MPZL3: variants seen among roughly 807,000 people sequenced by gnomAD.
MPZL3 encodes myelin protein zero-like protein 3.
In MPZL3, 23 loss-of-function variants were observed where a neutral mutation model predicts 24.8. That is an observed-to-expected ratio of 0.93 (90% CI 0.67 to 1.31). The LOEUF is 1.31. MPZL3 is among the 40% of genes most tolerant of loss of function. The pLI is 0.00. For missense variants in MPZL3, 277 were observed against 294.9 expected, an observed-to-expected ratio of 0.94 and a Z score of 0.44; for synonymous variants, 99 against 106.5, an observed-to-expected ratio of 0.93 and a Z score of 0.44.
At chr11:118,244,936 C>T (rs984122063) in intron 1 of MPZL3, among the ~76,000 whole-genome samples, 6 of 151,614 alleles carry the variant, frequency 4.0e-5, no homozygotes, top group African/African-American at 7.3e-5. Flanking sequence ...ATTAGTGGGG[C>T]GTGGTGGCAG....
In MPZL3 at chr11:118,251,695, G is replaced by A. The variant is rs144686767; in HGVS notation, c.73+527C>T. On this transcript the variant is annotated intron_variant, in intron 1 of 5. Coordinates refer to ENST00000278949, the MANE Select transcript of MPZL3 (RefSeq NM_198275.3). ...ATGCTAAAGCAGTTACTTTTTCATC[G>A]ATATGCTTCTCTATAACGAATCACA... 2.6e-5 allele frequency among the ~76,000 whole-genome samples: 4 copies of A among 152,070 alleles called. No individual in the cohort carries two copies. In the East Asian group the frequency reaches 7.7e-4, roughly 29 times the overall value.
rs60832269 is a variant in MPZL3 at position 118,229,125 on chromosome 11, C to CAAAA, written c.*765_*768dup. ...CTGGCGACAGAGTGAGACTCTGCCT[C>CAAAA]AAAAAAAAAAAAAAAAAAAAAAAAG... On this transcript the variant is annotated 3_prime_UTR_variant, in exon 6 of 6. Coordinates refer to ENST00000278949, the MANE Select transcript of MPZL3 (RefSeq NM_198275.3). 48 of 96,386 alleles carry CAAAA rather than the reference C, an allele frequency of 5.0e-4. 2 individuals carry two copies. Among genetic ancestry groups the CAAAA allele is most frequent in the African/African-American group, 2.4e-3 (41 of 17,398 alleles). 6.0% of individuals were successfully genotyped at this position (96,386 alleles called of 1,614,324 possible).
intron 5 of MPZL3, among the ~76,000 whole-genome samples, chr11:118,231,913 C>T (rs1008604465): frequency 2.0e-5 from 3 of 152,116 alleles, no homozygotes; most frequent in African/African-American, 4.8e-5. Flanking sequence ...TGTCATTGCT[C>T]GTTACCACCC....
chr11:118,248,280 C>CT (rs1949578370), intron 1 of MPZL3, among the ~76,000 whole-genome samples: 1 of 152,056 alleles, frequency 6.6e-6, no homozygotes, highest in African/African-American at 2.4e-5. Context: ...TCCCAAAGTG[C>CT]TGGGATTACA....
At chr11:118,251,236 AGGGATCGG>A (rs1362886982) in intron 1 of MPZL3, among the ~76,000 whole-genome samples, 2 of 152,004 alleles carry the variant, frequency 1.3e-5, no homozygotes, top group Admixed American at 6.6e-5. Context: ...GGCAGCTGGG[AGGGATCGG>A]GGGTGTGCTG....
chr11:118,234,492 G>A (rs534656421), intron 4 of MPZL3, among the ~76,000 whole-genome samples: 12 of 152,212 alleles, frequency 7.9e-5, no homozygotes, highest in Non-Finnish European at 1.2e-4. Flanking sequence ...ATGAGAATGA[G>A]TTAGGAAAAA....
intron 1 of MPZL3, among the ~76,000 whole-genome samples, chr11:118,245,274 A>T (rs1949546052): frequency 6.6e-6 from 1 of 152,130 alleles, no homozygotes; most frequent in Non-Finnish European, 1.5e-5. Flanking sequence ...GGTGGGAGGC[A>T]GAGGTTGCGG....
chr11:118,251,549 AAAGCAAAACTCACCTAATT>A (rs1949619895), intron 1 of MPZL3, among the ~76,000 whole-genome samples: 1 of 152,188 alleles, frequency 6.6e-6, no homozygotes, highest in African/African-American at 2.4e-5. Flanking sequence ...AAATTATATG[AAAGCAAAACTCACCTAATT>A]TTAAGATGTG....
intron 5 of MPZL3, among the ~76,000 whole-genome samples, chr11:118,233,185 T>G (rs187130764): frequency 3.7e-4 from 57 of 152,288 alleles, no homozygotes; most frequent in Admixed American, 3.7e-3. Context: ...ACTCCTGTTT[T>G]GGGATTTTCT....
At chr11:118,240,781 ACACT>A (rs1949487070) in intron 1 of MPZL3, among the ~76,000 whole-genome samples, 1 of 127,938 alleles carries the variant, frequency 7.8e-6, no homozygotes, top group African/African-American at 2.9e-5. Context: ...ACACACACAC[ACACT>A]CTGGGAATAT....
intron 5 of MPZL3, among the ~76,000 whole-genome samples, chr11:118,230,839 G>A (rs1949340930): frequency 6.6e-6 from 1 of 151,940 alleles, no homozygotes; most frequent in Non-Finnish European, 1.5e-5. Flanking sequence ...TTTATCTAAG[G>A]TCAACATCTC....
At chr11:118,243,346 G>A (rs1228791005) in intron 1 of MPZL3, among the ~76,000 whole-genome samples, 1 of 152,124 alleles carries the variant, frequency 6.6e-6, no homozygotes, top group African/African-American at 2.4e-5. Context: ...AACGGCCCAG[G>A]CACACACATT....
At chr11:118,250,103 G>A (rs1001474089) in intron 1 of MPZL3, among the ~76,000 whole-genome samples, 2 of 151,082 alleles carry the variant, frequency 1.3e-5, no homozygotes, top group African/African-American at 2.4e-5. Flanking sequence ...CCAGGTTCAA[G>A]TGATTCTTCT....
chr11:118,241,057 GGTACCATT>G (rs1306323529), intron 1 of MPZL3, among the ~76,000 whole-genome samples: 1 of 152,114 alleles, frequency 6.6e-6, no homozygotes, highest in Non-Finnish European at 1.5e-5. Context: ...GTAAAAATAA[GGTACCATT>G]TTAAAACCCA....
intron 1 of MPZL3, among the ~76,000 whole-genome samples, chr11:118,248,686 A>T (rs532249752): frequency 1.0e-3 from 155 of 152,190 alleles, no homozygotes; most frequent in African/African-American, 2.7e-3. Context: ...AATTTTGTAC[A>T]GTCTTATATA....
rs1453607601 is a variant in MPZL3 at position 118,228,473 on chromosome 11, A to G, written c.*1421T>C. 6.6e-6 allele frequency: 1 copy of G among 152,206 alleles called. No homozygotes were observed. The highest frequency in any genetic ancestry group is 1.5e-5 in the Non-Finnish European group (1 of 68,032). 9.4% of individuals were successfully genotyped at this position (152,206 alleles called of 1,614,324 possible). ...CACCATCCATCTTTACTGATATACTATACATATGCCTTAATGGCTTATAAA... is the reference window on the plus strand; with the variant it reads ...CACCATCCATCTTTACTGATATACTGTACATATGCCTTAATGGCTTATAAA... On this transcript the variant is annotated 3_prime_UTR_variant, in exon 6 of 6. Coordinates refer to ENST00000278949, the MANE Select transcript of MPZL3 (RefSeq NM_198275.3).
intron 1 of MPZL3, among the ~76,000 whole-genome samples, chr11:118,251,183 G>A (rs183706683): frequency 2.6e-5 from 4 of 151,558 alleles, no homozygotes; most frequent in African/African-American, 7.3e-5. Flanking sequence ...ATATCATACT[G>A]CAAAGTAATT....
chr11:118,251,078 CGTGTGTGTGTGTGTGT>C (rs3221165), intron 1 of MPZL3, among the ~76,000 whole-genome samples: 8 of 144,270 alleles, frequency 5.5e-5, no homozygotes, highest in Admixed American at 3.5e-4. Context: ...GAATATTTCT[CGTGTGTGTGTGTGTGT>C]GTGTGTGTGT....
At chr11:118,244,820 T>C (rs922002843) in intron 1 of MPZL3, among the ~76,000 whole-genome samples, 1 of 152,224 alleles carries the variant, frequency 6.6e-6, no homozygotes, top group African/African-American at 2.4e-5. Flanking sequence ...CTCACGCCTG[T>C]AATCCCAGCA....
Sources: allele counts gnomAD v4.1 joint callset (sites outside exome capture counted in the v4.1 genomes callset), GRCh38; gene constraint gnomAD v4.1.1; transcripts MANE v1.5; gene names NCBI Gene and HGNC (gene_info 2026-07-23, HGNC 2026-07-21).